CCDC192: variants seen among roughly 807,000 people sequenced by gnomAD.
The protein encoded by CCDC192 is coiled-coil domain-containing protein 192.
chr5:127,807,517 T>C (rs1757855832), intron 5 of CCDC192, among the ~76,000 whole-genome samples: 1 of 152,190 alleles, frequency 6.6e-6, no homozygotes, highest in African/African-American at 2.4e-5. Context: ...TCTAGTTCAC[T>C]GTGCCTTCTG....
At chr5:127,750,233 T>G (rs1397720854) in intron 2 of CCDC192, among the ~76,000 whole-genome samples, 1 of 152,184 alleles carries the variant, frequency 6.6e-6, no homozygotes, top group African/African-American at 2.4e-5. Flanking sequence ...TCTTTCCTGC[T>G]TTCTCTTGTG....
intron 5 of CCDC192, among the ~76,000 whole-genome samples, chr5:127,870,762 ATAT>A (rs1381938762): frequency 6.6e-6 from 1 of 152,240 alleles, no homozygotes; most frequent in Non-Finnish European, 1.5e-5. Context: ...AGACTTTATA[ATAT>A]TCTCCTGAGG....
chr5:127,802,073 A>G (rs1385796198), intron 5 of CCDC192, among the ~76,000 whole-genome samples: 2 of 152,178 alleles, frequency 1.3e-5, no homozygotes, highest in Non-Finnish European at 2.9e-5. Context: ...AACTCAAAAT[A>G]GGGAGAGAAC....
At chr5:127,815,265 G>T (rs543710125) in intron 5 of CCDC192, among the ~76,000 whole-genome samples, 1 of 152,258 alleles carries the variant, frequency 6.6e-6, no homozygotes, top group Admixed American at 6.5e-5. Flanking sequence ...ATTTTCTGTT[G>T]ACTCCCGCAT....
At chr5:127,918,955 A>G (rs530662436) in intron 6 of CCDC192, among the ~76,000 whole-genome samples, 5 of 148,156 alleles carry the variant, frequency 3.4e-5, no homozygotes, top group South Asian at 2.2e-4. Flanking sequence ...ATGTGTATAT[A>G]TGTGTGTGTC....
At chr5:127,797,425 A>G (rs1580674381) in intron 4 of CCDC192, among the ~76,000 whole-genome samples, 191 bp downstream of exon 4, 1 of 152,212 alleles carries the variant, frequency 6.6e-6, no homozygotes, top group Non-Finnish European at 1.5e-5. Flanking sequence ...TTATTTTGCT[A>G]GTAGTAGTTT....
chr5:127,770,827 G>A (rs1004911598), intron 3 of CCDC192, among the ~76,000 whole-genome samples: 1 of 152,180 alleles, frequency 6.6e-6, no homozygotes, highest in Non-Finnish European at 1.5e-5. Context: ...TTTAGGAAAT[G>A]CATATTATGT....
In CCDC192 at chr5:127,892,251, G is replaced by A. The variant is rs185908139; in HGVS notation, c.535+16590G>A. On this transcript the variant is annotated intron_variant, in intron 6 of 6. Coordinates refer to ENST00000514853, the MANE Select transcript of CCDC192 (RefSeq NM_001317938.2). ...CAGTGGAGAAAGCCCTAAAATTAGA[G>A]ACTAAACATCATAGAAACACATGAT... Among the ~76,000 whole-genome samples, 16 of 152,286 alleles carry A rather than the reference G, an allele frequency of 1.1e-4. No individual in the cohort carries two copies. In the East Asian group the frequency reaches 2.3e-3, roughly 22 times the overall value.
chr5:127,746,504 A>T (rs1468435655), intron 2 of CCDC192, among the ~76,000 whole-genome samples: 1 of 152,194 alleles, frequency 6.6e-6, no homozygotes, highest in Non-Finnish European at 1.5e-5. Flanking sequence ...GAGATTCTCA[A>T]TCTTTTAAAA....
chr5:127,729,738 A>G (rs947418712), intron 2 of CCDC192, among the ~76,000 whole-genome samples: 1 of 152,186 alleles, frequency 6.6e-6, no homozygotes, highest in African/African-American at 2.4e-5. Context: ...ACACAACTAC[A>G]TGAAAATTGA....
intron 5 of CCDC192, among the ~76,000 whole-genome samples, chr5:127,868,009 C>CTT (rs11440985): frequency 7.3e-4 from 98 of 133,468 alleles, no homozygotes; most frequent in Admixed American, 1.7e-3. Flanking sequence ...TTTTCTTTTT[C>CTT]TTTTTTTTTT....
chr5:127,765,340 T>C (rs1384198359), intron 3 of CCDC192, among the ~76,000 whole-genome samples: 4 of 152,198 alleles, frequency 2.6e-5, no homozygotes, highest in Admixed American at 6.5e-5. Context: ...ACAATACCAC[T>C]TTTTTACTGT....
intron 5 of CCDC192, among the ~76,000 whole-genome samples, chr5:127,864,431 A>T (rs1256072625): frequency 6.6e-6 from 1 of 152,220 alleles, no homozygotes. Flanking sequence ...GGGCTACCAG[A>T]TAGGATATTG....
At chr5:127,860,536 C>T (rs1751311462) in intron 5 of CCDC192, among the ~76,000 whole-genome samples, 1 of 152,090 alleles carries the variant, frequency 6.6e-6, no homozygotes, top group South Asian at 2.1e-4. Context: ...GTAGAACTTT[C>T]CTTGTTTAAT....
In CCDC192 at chr5:127,836,274, C is replaced by T. The variant is rs55876185; in HGVS notation, c.411+38112C>T. 1.9e-3 allele frequency among the ~76,000 whole-genome samples: 292 copies of T among 152,326 alleles called. 2 individuals are homozygous for T. The highest frequency in any genetic ancestry group is 6.6e-3 in the African/African-American group (275 of 41,570). On this transcript the variant is annotated intron_variant, in intron 5 of 6. Coordinates refer to ENST00000514853, the MANE Select transcript of CCDC192 (RefSeq NM_001317938.2). ...GCCACACTGATACAAGAGGTGGGCTCCCATGGCATTGGGCAGCTCCACCCC... is the reference window on the plus strand; with the variant it reads ...GCCACACTGATACAAGAGGTGGGCTTCCATGGCATTGGGCAGCTCCACCCC...
chr5:127,707,848 C>G (rs527422903), intron 2 of CCDC192, 88 bp downstream of exon 2: 1 of 388,494 alleles, frequency 2.6e-6, no homozygotes, highest in South Asian at 1.4e-4. Context: ...TTAAGGTTTT[C>G]TTGATATTGT....
At chr5:127,884,859 T>C (rs1700495230) in intron 6 of CCDC192, among the ~76,000 whole-genome samples, 1 of 152,206 alleles carries the variant, frequency 6.6e-6, no homozygotes, top group Non-Finnish European at 1.5e-5. Flanking sequence ...ATTTTTACAC[T>C]ACTTATTTAG....
intron 5 of CCDC192, among the ~76,000 whole-genome samples, chr5:127,800,331 A>G (rs1561495597): frequency 7.7e-6 from 1 of 129,996 alleles, no homozygotes; most frequent in Non-Finnish European, 1.6e-5. Context: ...TTCTTAGAAC[A>G]TTGTCCCTGA....
intron 5 of CCDC192, among the ~76,000 whole-genome samples, chr5:127,856,909 T>C (rs1445789798): frequency 6.6e-6 from 1 of 152,108 alleles, no homozygotes; most frequent in South Asian, 2.1e-4. Flanking sequence ...CTAACAGATA[T>C]AGTAATGATG....
Sources: gnomAD v4.1 joint callset for allele counts (sites outside exome capture counted in the v4.1 genomes callset) on GRCh38, gnomAD v4.1.1 for gene constraint, MANE v1.5 for transcripts, NCBI Gene and HGNC (gene_info 2026-07-23, HGNC 2026-07-21) for gene names.